ZNF324B: variants seen among roughly 807,000 people sequenced by gnomAD.
The protein encoded by ZNF324B is zinc finger protein 324B.
ZNF324B carries 7 observed loss-of-function variants against 10.6 expected under a neutral mutation model. The observed-to-expected ratio is 0.66, with a 90% CI of 0.38 to 1.24. The LOEUF is 1.24. ZNF324B is among the 50% of genes most tolerant of loss of function. The pLI is 0.02. For missense variants in ZNF324B, 640 were observed against 764.7 expected, an observed-to-expected ratio of 0.84 and a Z score of 1.92; for synonymous variants, 316 against 321.0, an observed-to-expected ratio of 0.98 and a Z score of 0.17.
the ZNF324B span, among the ~76,000 whole-genome samples, chr19:58,425,685 G>A: frequency 2.0e-5 from 3 of 151,810 alleles, no homozygotes; most frequent in African/African-American, 4.8e-5. Flanking sequence ...TGGCCAGGCT[G>A]GTCTCAAACT....
chr19:58,454,937 C>A, intron 3 of ZNF324B: 1 of 648,898 alleles, frequency 1.5e-6, no homozygotes. Context: ...TTTTCCTCAG[C>A]TTCACATCCT....
At chr19:58,445,566 A>G in the ZNF324B span, 6 of 494,164 alleles carry the variant, frequency 1.2e-5, no homozygotes, top group Admixed American at 6.5e-5. Flanking sequence ...CTGTAATCCC[A>G]GCACTTTGGG....
chr19:58,426,911 C>T, the ZNF324B span, among the ~76,000 whole-genome samples: 1 of 152,202 alleles, frequency 6.6e-6, no homozygotes, highest in South Asian at 2.1e-4. Flanking sequence ...AGTGGAGCCA[C>T]TGAATCCCAC....
chr19:58,424,417 A>G, the ZNF324B span, among the ~76,000 whole-genome samples: 1 of 152,232 alleles, frequency 6.6e-6, no homozygotes, highest in Admixed American at 6.5e-5. Context: ...TAAAATGGGC[A>G]AAAGATCTGA....
At chr19:58,426,243 A>C in the ZNF324B span, among the ~76,000 whole-genome samples, 2 of 152,168 alleles carry the variant, frequency 1.3e-5, no homozygotes, top group African/African-American at 4.8e-5. Flanking sequence ...GAAATGTCAA[A>C]ATTGGGGTCC....
At chr19:58,451,987 C>T (rs940444594) in intron 1 of ZNF324B, 7 of 234,688 alleles carry the variant, frequency 3.0e-5, no homozygotes, top group African/African-American at 1.4e-4. Flanking sequence ...CTGACAAGCC[C>T]GCGCCGGGGG....
the ZNF324B span, among the ~76,000 whole-genome samples, chr19:58,419,516 C>G: frequency 6.6e-6 from 1 of 152,186 alleles, no homozygotes; most frequent in South Asian, 2.1e-4. Flanking sequence ...GGGGTGAGGG[C>G]ACCAGAACTT....
the ZNF324B span, among the ~76,000 whole-genome samples, chr19:58,427,349 C>CCTT: frequency 3.9e-4 from 22 of 56,002 alleles, no homozygotes; most frequent in East Asian, 5.3e-3. Flanking sequence ...CTTTCTCTTT[C>CCTT]CTTTCTTTCT....
chr19:58,427,349 C>CTTTCTTTCTTTCTTTCTCTTTCCTTT, the ZNF324B span, among the ~76,000 whole-genome samples: 4 of 56,014 alleles, frequency 7.1e-5, no homozygotes, highest in East Asian at 8.8e-4. Flanking sequence ...CTTTCTCTTT[C>CTTTCTTTCTTTCTTTCTCTTTCCTTT]CTTTCTTTCT....
chr19:58,437,221 A>G, the ZNF324B span: 15 of 1,580,066 alleles, frequency 9.5e-6, no homozygotes, highest in African/African-American at 1.4e-4. Flanking sequence ...GTATGCTGAC[A>G]AAGAAACAAA....
chr19:58,456,141 C>T lies in ZNF324B; in HGVS notation c.1197C>T (p.Cys399=), dbSNP rs775557132. The T allele has an allele frequency of 1.3e-5, 21 of 1,613,424 alleles. No individual in the cohort carries two copies. Among genetic ancestry groups the T allele is most frequent in the Middle Eastern group, 1.7e-4 (1 of 6,044 alleles). The part of the protein sequence containing the change: ...RTHTGEKPFV[C]ALCGAAFSQG... ...ACACAGGCGAGAAGCCCTTCGTATG[C>T]GCGCTCTGCGGTGCTGCCTTCAGCC... Residue 399 remains cysteine (C), a synonymous_variant, in exon 4 of 4, where the codon TGC becomes TGT. Coordinates refer to ENST00000336614, the MANE Select transcript of ZNF324B (RefSeq NM_207395.3). The surrounding 1 kb of genome is among the most constrained non-coding windows in gnomAD (Gnocchi z 4.7).
chr19:58,437,056 T>A, the ZNF324B span: 1 of 1,613,826 alleles, frequency 6.2e-7, no homozygotes, highest in Non-Finnish European at 8.5e-7. Context: ...CCAAGTGAGG[T>A]CACAAGCTCA....
the ZNF324B span, among the ~76,000 whole-genome samples, chr19:58,438,163 C>T: frequency 4.6e-5 from 7 of 152,294 alleles, no homozygotes; most frequent in South Asian, 6.2e-4. Context: ...CAAAGCCCAA[C>T]TCTCATCCTA....
chr19:58,456,175 T>G lies in ZNF324B; in HGVS notation c.1231T>G (p.Ser411Ala). 6.2e-7 allele frequency: 1 copy of G among 1,613,032 alleles called. No homozygotes were observed. The change falls in exon 4 of 4, where the codon TCG becomes GCG. Residue 411 changes from serine (S) to alanine (A), a missense_variant. By Grantham distance (99) the Ser-to-Ala change is moderately conservative (BLOSUM62 1). Around this residue, in one of 3 missense-constraint regions of ZNF324B, gnomAD observed 238 missense variants for 258.0 expected, o/e 0.92. Transcript: ENST00000336614. The surrounding 1 kb of genome is among the most constrained non-coding windows in gnomAD (Gnocchi z 4.7). ...LCGAAFSQGS[S>A]LFLHQRVHTG... Reference sequence around the variant, plus strand: ...CGGTGCTGCCTTCAGCCAGGGCTCCTCGCTCTTTTTGCACCAGCGCGTGCA... The same window carrying G: ...CGGTGCTGCCTTCAGCCAGGGCTCCGCGCTCTTTTTGCACCAGCGCGTGCA...
the ZNF324B span, chr19:58,419,446 A>G: frequency 6.6e-6 from 1 of 152,220 alleles, no homozygotes; most frequent in East Asian, 1.9e-4. Flanking sequence ...CTGATAAACA[A>G]GAGGATTTCA....
chr19:58,420,569 AT>A, the ZNF324B span, among the ~76,000 whole-genome samples: 468 of 145,562 alleles, frequency 3.2e-3, 2 homozygotes, highest in Middle Eastern at 7.1e-3. Flanking sequence ...ATCTCTTTAA[AT>A]TTTTTTTTTT....
intron 2 of ZNF324B, among the ~76,000 whole-genome samples, 200 bp from the exon 3 acceptor site, chr19:58,454,028 C>T (rs1485094347): frequency 7.9e-5 from 12 of 152,346 alleles, no homozygotes; most frequent in Admixed American, 5.9e-4. Context: ...GGCTCAGTCC[C>T]GTTGCTTTGG....
chr19:58,433,988 G>T, the ZNF324B span: 1 of 1,614,224 alleles, frequency 6.2e-7, no homozygotes, highest in South Asian at 1.1e-5. Context: ...CATTCAAAAG[G>T]CCGTTCTCCA....
At chr19:58,420,701 C>T in the ZNF324B span, among the ~76,000 whole-genome samples, 2 of 151,688 alleles carry the variant, frequency 1.3e-5, no homozygotes, top group African/African-American at 4.8e-5. Flanking sequence ...TGGCTTATAC[C>T]CACTTTTATT....
Sources: gnomAD v4.1 joint callset for allele counts (sites outside exome capture counted in the v4.1 genomes callset) on GRCh38, gnomAD v4.1.1 for gene constraint, gnomAD v4.1.1 regional missense constraint, Gnocchi (gnomAD v3.1) non-coding constraint, MANE v1.5 for transcripts, NCBI Gene and HGNC (gene_info 2026-07-23, HGNC 2026-07-21) for gene names.